Variants in HNRNPUL1 observed in about 807,000 individuals in gnomAD.
HNRNPUL1 encodes heterogeneous nuclear ribonucleoprotein U like 1, also known as heterogeneous nuclear ribonucleoprotein U-like protein 1.
In HNRNPUL1, 14 loss-of-function variants were observed where a neutral mutation model predicts 108.5. The observed-to-expected ratio is 0.13, with a 90% CI of 0.09 to 0.20. The LOEUF is 0.20. Among genes scored for constraint, HNRNPUL1 ranks in the 10% least tolerant of loss-of-function variants. HNRNPUL1 has a pLI of 1.00. For synonymous variants in HNRNPUL1, 422 were observed against 445.2 expected (o/e 0.95, Z 0.66); for missense variants, 804 against 1,168.3 (o/e 0.69, Z 4.55).
In HNRNPUL1 at chr19:41,304,276, G is replaced by T. The variant is rs758854465; in HGVS notation, c.2262+15G>T. 4 of 1,590,068 alleles carry T rather than the reference G, an allele frequency of 2.5e-6. No individual in the cohort carries two copies. In the African/African-American group the frequency reaches 5.4e-5, roughly 21 times the overall value. ...GCCCTCCACAGGTGAGAGAATGAGT[G>T]TGTGTTTGTATGTAGTGATCGCACG... On this transcript the variant is annotated intron_variant, in intron 13 of 14. Transcript: ENST00000392006.
At chr19:41,265,363 A>C in intron 1 of HNRNPUL1, 2 of 1,511,812 alleles carry the variant, frequency 1.3e-6, no homozygotes, top group South Asian at 1.2e-5. Context: ...TGGGTGGGAG[A>C]GGTGGAGGCG....
At chr19:41,267,253 T>A (rs2034907942) in intron 1 of HNRNPUL1, among the ~76,000 whole-genome samples, 1 of 152,036 alleles carries the variant, frequency 6.6e-6, no homozygotes, top group African/African-American at 2.4e-5. Flanking sequence ...AGAAGAGGGA[T>A]GTTTTAGAGA....
rs1245990124 is a variant in HNRNPUL1 at position 41,272,125 on chromosome 19, C to T, written c.462C>T (p.Leu154=). 1.2e-6 allele frequency: 2 copies of T among 1,614,152 alleles called. No homozygotes were observed. The highest frequency in any genetic ancestry group is 1.7e-6 in the Non-Finnish European group (2 of 1,180,022). ...AGCAAGGAGCACCCACCAGCTTCCT[C>T]CCGCCTGAAGCTTCTCAACTCAAGC... ...EMKQGAPTSF[L]PPEASQLKPD... The change falls in exon 3 of 15, where the codon CTC becomes CTT. Residue 154 remains leucine (L), a synonymous_variant. Coordinates refer to ENST00000392006, the MANE Select transcript of HNRNPUL1 (RefSeq NM_007040.6).
chr19:41,291,154 A>T (rs887659919), intron 7 of HNRNPUL1, among the ~76,000 whole-genome samples: 5 of 152,154 alleles, frequency 3.3e-5, no homozygotes, highest in Non-Finnish European at 7.4e-5. Context: ...TTCCTGAATT[A>T]CTTCCCCCTC....
At chr19:41,283,961 G>A (rs537051135) in intron 7 of HNRNPUL1, among the ~76,000 whole-genome samples, 2 of 152,358 alleles carry the variant, frequency 1.3e-5, no homozygotes, top group Admixed American at 6.5e-5. Flanking sequence ...ATTATGGTGA[G>A]CTCAATTGTT....
At chr19:41,277,117 CAAAAA>C (rs1568436137) in intron 5 of HNRNPUL1, among the ~76,000 whole-genome samples, 1 of 147,362 alleles carries the variant, frequency 6.8e-6, no homozygotes, top group Non-Finnish European at 1.5e-5. Flanking sequence ...AACAAAAAAA[CAAAAA>C]CAAAAAAAAC....
Position 41,272,197 on chromosome 19 carries a change from C to A in HNRNPUL1, c.534C>A (p.Asn178Lys), listed in dbSNP as rs200908886. The stretch of plus-strand genomic sequence containing the variant: ...GTCGAAAGAGGCCTTATGAAGAAAA[C>A]CGGGGACGGGGGTACTTTGAGCACC... Reference protein sequence around the residue: ...FQSRKRPYEENRGRGYFEHRE... With the variant: ...FQSRKRPYEEKRGRGYFEHRE... Residue 178 changes from asparagine to lysine, a missense_variant, in exon 3 of 15, where the codon AAC (asparagine) becomes AAA (lysine). By Grantham distance (94) the Asn-to-Lys change is moderately conservative (BLOSUM62 0). Coordinates refer to ENST00000392006, the MANE Select transcript of HNRNPUL1 (RefSeq NM_007040.6). 6.2e-7 allele frequency: 1 copy of A among 1,614,004 alleles called. No individual in the cohort carries two copies. The highest frequency in any genetic ancestry group is 8.5e-7 in the Non-Finnish European group (1 of 1,179,970).
At chr19:41,289,213 T>C (rs180976256) in intron 7 of HNRNPUL1, among the ~76,000 whole-genome samples, 12 of 152,284 alleles carry the variant, frequency 7.9e-5, no homozygotes, top group Admixed American at 7.2e-4. Flanking sequence ...CCTTATATAG[T>C]TTTCTTTGTT....
In HNRNPUL1 at chr19:41,264,768, C is replaced by T; in HGVS notation, c.265C>T (p.Pro89Ser). The T allele has an allele frequency of 7.3e-7, 1 of 1,376,688 alleles. No individual in the cohort carries two copies. Among genetic ancestry groups the T allele is most frequent in the South Asian group, 1.7e-5 (1 of 59,516 alleles). 85.3% of individuals were successfully genotyped at this position (1,376,688 alleles called of 1,614,324 possible). ...PPPGLQPHAE[P>S]GGYSGPDGHY... ...GCCCGGGCTGCAGCCGCACGCGGAGCCCGGCGGCTACTCGGGGCCGGACGG... is the reference window on the plus strand; with the variant it reads ...GCCCGGGCTGCAGCCGCACGCGGAGTCCGGCGGCTACTCGGGGCCGGACGG... The change falls in exon 1 of 15, where the codon CCC becomes TCC. Residue 89 changes from proline (P) to serine (S), a missense_variant. By Grantham distance (74) the Pro-to-Ser change is moderately conservative. Transcript: ENST00000392006.
At chr19:41,279,485 A>C (rs759833406) in intron 6 of HNRNPUL1, among the ~76,000 whole-genome samples, 25 of 152,148 alleles carry the variant, frequency 1.6e-4, no homozygotes, top group Non-Finnish European at 2.8e-4. Context: ...CCTGCCCTTA[A>C]ACCAAGCTGC....
Position 41,303,156 on chromosome 19 carries a change from C to T in HNRNPUL1, c.1972+207C>T, listed in dbSNP as rs545138168. Among the ~76,000 whole-genome samples the T allele has an allele frequency of 2.6e-5, 4 of 152,252 alleles. No individual in the cohort carries two copies. In the East Asian group the frequency reaches 5.8e-4, roughly 22 times the overall value. On this transcript the variant is annotated intron_variant, in intron 12 of 14. Transcript: ENST00000392006. ...GGACGCTGGTTATGAAGCCCTTTGC[C>T]CATTTGCATATCACAGTGCACATTC...
intron 3 of HNRNPUL1, among the ~76,000 whole-genome samples, 160 bp from the exon 4 acceptor site, chr19:41,273,822 G>A (rs1047584015): frequency 5.9e-5 from 9 of 152,338 alleles, no homozygotes; most frequent in Middle Eastern, 3.4e-3. Context: ...TCCTTGCAAG[G>A]ATGTAGGGTT....
chr19:41,286,255 A>G (rs896523714), intron 7 of HNRNPUL1, among the ~76,000 whole-genome samples: 1 of 152,066 alleles, frequency 6.6e-6, no homozygotes, highest in Non-Finnish European at 1.5e-5. Context: ...AGTGTCCACA[A>G]ATATTTTCAG....
chr19:41,289,438 A>G (rs2036449290), intron 7 of HNRNPUL1, among the ~76,000 whole-genome samples: 3 of 152,238 alleles, frequency 2.0e-5, no homozygotes, highest in Admixed American at 2.0e-4. Context: ...TAGGGACAAC[A>G]GAAAGAGGTG....
chr19:41,280,598 C>T (rs972033151), intron 6 of HNRNPUL1, among the ~76,000 whole-genome samples: 4 of 152,114 alleles, frequency 2.6e-5, no homozygotes, highest in South Asian at 4.1e-4. Flanking sequence ...TCATGCTTGT[C>T]GGCCCCTGCT....
At chr19:41,306,024 C>T (rs2037525336) in intron 14 of HNRNPUL1, among the ~76,000 whole-genome samples, 157 bp downstream of exon 14, 1 of 152,208 alleles carries the variant, frequency 6.6e-6, no homozygotes, top group Admixed American at 6.5e-5. Context: ...TTGGTCAACA[C>T]TTCTGCACTG....
At chr19:41,270,070 C>T (rs2035126654) in intron 2 of HNRNPUL1, among the ~76,000 whole-genome samples, 1 of 152,170 alleles carries the variant, frequency 6.6e-6, no homozygotes, top group Non-Finnish European at 1.5e-5. Context: ...GCAACCTCCG[C>T]CTCTCGGGTT....
chr19:41,303,518 C>T (rs2037364734), intron 12 of HNRNPUL1, among the ~76,000 whole-genome samples: 2 of 152,086 alleles, frequency 1.3e-5, no homozygotes, highest in African/African-American at 4.8e-5. Context: ...CCACGCCCGG[C>T]TAATTTTGTA....
In HNRNPUL1 at chr19:41,291,368, CAG is replaced by C. The variant is rs1471671925; in HGVS notation, c.1000-876_1000-875del. 2.0e-5 allele frequency among the ~76,000 whole-genome samples: 3 copies of C among 152,204 alleles called. No individual in the cohort carries two copies. In the East Asian group the frequency reaches 5.8e-4, roughly 29 times the overall value. On this transcript the variant is annotated intron_variant, in intron 7 of 14. Transcript: ENST00000392006. The stretch of plus-strand genomic sequence containing the variant: ...ATGTGTATCAGAAAGAGTACGAACT[CAG>C]GGAACATGTTGAACAAGCTGAACTC...
Sources: gnomAD v4.1 joint callset for allele counts (sites outside exome capture counted in the v4.1 genomes callset) on GRCh38, gnomAD v4.1.1 for gene constraint, MANE v1.5 for transcripts, NCBI Gene and HGNC (gene_info 2026-07-23, HGNC 2026-07-21) for gene names.